Variants in SV2C observed in about 807,000 individuals in gnomAD.
SV2C encodes synaptic vesicle glycoprotein 2C, also known as solute carrier family 22 member B3.
In SV2C, 49 loss-of-function variants were observed where a neutral mutation model predicts 79.7. The observed-to-expected ratio is 0.61, with a 90% confidence interval of 0.49 to 0.78. The LOEUF (loss-of-function observed/expected upper bound fraction) is 0.78, where lower values mean the gene tolerates loss of function less well. SV2C is among the 30% of genes least tolerant of loss of function. The probability of loss-of-function intolerance (pLI) is 0.00; values close to 1 mark genes in which losing one functional copy is unlikely to be tolerated. For missense variants in SV2C, 833 were observed against 912.9 expected, an observed-to-expected ratio of 0.91 and a Z score of 1.13; for synonymous variants, 334 against 333.2, an observed-to-expected ratio of 1.00 and a Z score of -0.03.
intron 10 of SV2C, 86 bp from the exon 11 acceptor site, chr5:76,300,643 T>G: frequency 4.3e-6 from 6 of 1,395,118 alleles, no homozygotes; most frequent in Non-Finnish European, 6.0e-6. Context: ...AATACTGGTT[T>G]CCTCTCCGAA....
intron 12 of SV2C, among the ~76,000 whole-genome samples, chr5:76,305,429 C>CTGT (rs758602968): frequency 1.3e-5 from 2 of 152,162 alleles, no homozygotes; most frequent in Non-Finnish European, 2.9e-5. Context: ...CTTTGAGAAG[C>CTGT]TGTTATGTGT....
At chr5:76,295,589 A>T (rs1747724883) in intron 8 of SV2C, among the ~76,000 whole-genome samples, 189 bp from the exon 9 acceptor site, 1 of 152,066 alleles carries the variant, frequency 6.6e-6, no homozygotes, top group Admixed American at 6.6e-5. Flanking sequence ...GCCATCTCTC[A>T]AGCTTGATTT....
At chr5:75,926,406 C>G in the SV2C span, among the ~76,000 whole-genome samples, 6 of 152,172 alleles carry the variant, frequency 3.9e-5, no homozygotes, top group Non-Finnish European at 8.8e-5. Flanking sequence ...ATGAGCTTTG[C>G]TACTGATAAA....
the SV2C span, among the ~76,000 whole-genome samples, chr5:76,039,838 A>G: frequency 1.3e-5 from 2 of 152,058 alleles, no homozygotes; most frequent in African/African-American, 4.8e-5. Context: ...GGATTGCATC[A>G]GTGATTAGAA....
chr5:76,146,007 T>C lies in SV2C; in HGVS notation c.580+13677T>C, dbSNP rs562180533. ...ACCACACACACAAAAATTCTTCTCT[T>C]AGGGGTTCATGTGGAAATGAAAACA... On this transcript the variant is annotated intron_variant, in intron 2 of 12. Coordinates refer to ENST00000502798, the MANE Select transcript of SV2C (RefSeq NM_014979.4). Among the ~76,000 whole-genome samples, 8 of 152,280 alleles carry C rather than the reference T, an allele frequency of 5.3e-5. No individual in the cohort carries two copies. In the South Asian group the frequency reaches 1.5e-3, roughly 28 times the overall value.
chr5:76,275,855 G>A (rs1474513277), intron 4 of SV2C, among the ~76,000 whole-genome samples: 3 of 152,146 alleles, frequency 2.0e-5, no homozygotes, highest in Admixed American at 2.0e-4. Context: ...AAATTCCTCG[G>A]TATGACATTT....
chr5:76,004,200 C>T, the SV2C span, among the ~76,000 whole-genome samples: 124,992 of 152,184 alleles, frequency 0.82, 51,595 homozygotes, highest in Middle Eastern at 0.91. Context: ...AGGATAATGG[C>T]GCTTATGGTT....
chr5:76,075,929 T>TTATTTAC, the SV2C span: 1 of 211,662 alleles, frequency 4.7e-6, no homozygotes, highest in Non-Finnish European at 1.0e-5. Context: ...ATATTAAATT[T>TTATTTAC]TATTTACTAT....
chr5:75,963,218 T>A, the SV2C span, among the ~76,000 whole-genome samples: 69,721 of 151,924 alleles, frequency 0.46, 16,900 homozygotes, highest in African/African-American at 0.56. Context: ...AAAACCTCTG[T>A]GTTTCATTGT....
chr5:75,969,751 T>C, the SV2C span, among the ~76,000 whole-genome samples: 26 of 152,132 alleles, frequency 1.7e-4, no homozygotes, highest in African/African-American at 6.3e-4. Flanking sequence ...ACTGTCAACA[T>C]TAGACAGATC....
chr5:76,138,988 G>A (rs936522429), intron 2 of SV2C, among the ~76,000 whole-genome samples: 1 of 151,952 alleles, frequency 6.6e-6, no homozygotes, highest in African/African-American at 2.4e-5. Flanking sequence ...GTGTGGTAGC[G>A]GGTGCCTGTA....
intron 3 of SV2C, among the ~76,000 whole-genome samples, chr5:76,209,411 A>C (rs943114937): frequency 2.0e-5 from 3 of 152,232 alleles, no homozygotes; most frequent in Non-Finnish European, 4.4e-5. Context: ...GTAAGTTTTG[A>C]TAAATATCAC....
the SV2C span, among the ~76,000 whole-genome samples, chr5:75,958,714 C>T: frequency 6.6e-6 from 1 of 151,856 alleles, no homozygotes; most frequent in Non-Finnish European, 1.5e-5. Context: ...ACGTCATTTT[C>T]TCCGTTTCTT....
At chr5:75,953,888 C>T in the SV2C span, among the ~76,000 whole-genome samples, 1 of 151,944 alleles carries the variant, frequency 6.6e-6, no homozygotes, top group African/African-American at 2.4e-5. Context: ...CACTCCTATA[C>T]CAGTGTTTCC....
At chr5:76,008,601 C>T in the SV2C span, among the ~76,000 whole-genome samples, 2 of 152,164 alleles carry the variant, frequency 1.3e-5, no homozygotes, top group African/African-American at 2.4e-5. Context: ...CAGAATCCAA[C>T]TATTGCTCAT....
intron 4 of SV2C, among the ~76,000 whole-genome samples, chr5:76,250,168 T>A (rs1178960114): frequency 1.3e-5 from 2 of 152,116 alleles, no homozygotes; most frequent in Non-Finnish European, 2.9e-5. Context: ...CTCTTCTCCA[T>A]GTCATTCTGG....
intron 12 of SV2C, among the ~76,000 whole-genome samples, chr5:76,310,639 T>G (rs772602347): frequency 6.6e-6 from 1 of 152,126 alleles, no homozygotes; most frequent in Non-Finnish European, 1.5e-5. Context: ...GAGGTAATGG[T>G]GCCAATGGAG....
chr5:75,918,581 C>T, the SV2C span, among the ~76,000 whole-genome samples: 3 of 152,210 alleles, frequency 2.0e-5, no homozygotes, highest in Non-Finnish European at 2.9e-5. Context: ...ACTCTATGGC[C>T]CATGCCGCTT....
chr5:76,300,075 T>C (rs539266940), intron 10 of SV2C, among the ~76,000 whole-genome samples: 229 of 152,136 alleles, frequency 1.5e-3, no homozygotes, highest in African/African-American at 5.3e-3. Flanking sequence ...CACTTTTTTT[T>C]CCTTAGAGAC....
Sources: gnomAD v4.1 joint callset for allele counts (sites outside exome capture counted in the v4.1 genomes callset) on GRCh38, gnomAD v4.1.1 for gene constraint, MANE v1.5 for transcripts, NCBI Gene and HGNC (gene_info 2026-07-23, HGNC 2026-07-21) for gene names.